Variants in DYNC2H1 observed in about 807,000 individuals in gnomAD.
DYNC2H1 encodes the protein cytoplasmic dynein 2 heavy chain 1.
A neutral mutation model predicts 570.0 loss-of-function variants in DYNC2H1; 410 were observed. That is an observed-to-expected ratio of 0.72 (90% CI 0.66 to 0.78). The LOEUF (loss-of-function observed/expected upper bound fraction) is 0.78. Among genes scored for constraint, DYNC2H1 ranks in the 30% least tolerant of loss-of-function variants. The pLI is 0.00. For synonymous variants in DYNC2H1, 1,688 were observed against 1,677.6 expected, an observed-to-expected ratio of 1.01 and a Z score of -0.15; for missense variants, 4,865 against 5,046.4, an observed-to-expected ratio of 0.96 and a Z score of 1.09.
chr11:103,360,772 G>C (rs7932151), intron 83 of DYNC2H1, among the ~76,000 whole-genome samples: 1 of 152,058 alleles, frequency 6.6e-6, no homozygotes, highest in East Asian at 1.9e-4. Context: ...CAGTTAGTTC[G>C]TAAGAGAGAT....
At chr11:103,474,877 A>C (rs11225823) in intron 88 of DYNC2H1, among the ~76,000 whole-genome samples, 73,830 of 151,900 alleles carry the variant, frequency 0.49, 19,647 homozygotes, top group Non-Finnish European at 0.61. Context: ...CTACTGAGTC[A>C]CCATTTTGCC....
intron 39 of DYNC2H1, among the ~76,000 whole-genome samples, chr11:103,179,544 T>G (rs2135002829): frequency 6.6e-6 from 1 of 151,980 alleles, no homozygotes; most frequent in East Asian, 1.9e-4. Context: ...AACATATTAA[T>G]TATGAGCTAA....
intron 59 of DYNC2H1, 81 bp downstream of exon 59, chr11:103,223,167 T>C (rs572185134): frequency 7.6e-6 from 10 of 1,313,934 alleles, no homozygotes; most frequent in Non-Finnish European, 9.9e-6. Flanking sequence ...TTATTTTTAT[T>C]TTTTCTCTAT....
At chr11:103,458,899 T>C (rs112555125) in intron 87 of DYNC2H1, among the ~76,000 whole-genome samples, 1 of 152,202 alleles carries the variant, frequency 6.6e-6, no homozygotes, top group African/African-American at 2.4e-5. Flanking sequence ...CTCAAACTTC[T>C]GGGCTCAAGC....
Position 103,268,193 on chromosome 11 carries a change from A to G in DYNC2H1, c.10695+8216A>G, listed in dbSNP as rs1865580334. On this transcript the variant is annotated intron_variant, in intron 70 of 88. Transcript: ENST00000375735. The surrounding 1 kb of genome is among the most constrained non-coding windows in gnomAD (Gnocchi z 4.6). ...TCTGAAAAGCTTTTTACCAGTTAAT[A>G]TCTCTACCCACATAATAATAAAGGT... Among the ~76,000 whole-genome samples the G allele has an allele frequency of 6.6e-6, 1 of 152,032 alleles. No individual in the cohort carries two copies. Among genetic ancestry groups the G allele is most frequent in the Admixed American group, 6.6e-5 (1 of 15,256 alleles).
At chr11:103,329,644 T>A (rs1032510270) in intron 82 of DYNC2H1, among the ~76,000 whole-genome samples, 1 of 152,206 alleles carries the variant, frequency 6.6e-6, no homozygotes, top group Admixed American at 6.5e-5. Context: ...CTGTACTCTC[T>A]TACAGGATTC....
At chr11:103,313,978 T>TA (rs1425731400) in intron 79 of DYNC2H1, among the ~76,000 whole-genome samples, 1 of 152,176 alleles carries the variant, frequency 6.6e-6, no homozygotes, top group Admixed American at 6.5e-5. Context: ...CCTCTGTCCT[T>TA]AGCCTAATAT....
intron 10 of DYNC2H1, 128 bp from the exon 11 acceptor site, chr11:103,122,697 C>T (rs118117890): frequency 0.034 from 27,094 of 788,662 alleles, 614 homozygotes; most frequent in Middle Eastern, 0.051. Flanking sequence ...GTGAATCTTC[C>T]GTTTCACTGT....
In DYNC2H1 at chr11:103,221,717, G is replaced by A. The variant is rs1591432368; in HGVS notation, c.9108-313G>A. ...CCAAAAATACAAAAATTAGCCTGGT[G>A]TAGTGGCACGCACCTGTGGTCCCAG... On this transcript the variant is annotated intron_variant, in intron 57 of 88. Transcript: ENST00000375735. 2.0e-5 allele frequency among the ~76,000 whole-genome samples: 3 copies of A among 152,204 alleles called. No homozygotes were observed. In the East Asian group the frequency reaches 5.8e-4, roughly 30 times the overall value.
At chr11:103,474,340 T>G (rs1343989781) in intron 88 of DYNC2H1, among the ~76,000 whole-genome samples, 1 of 152,202 alleles carries the variant, frequency 6.6e-6, no homozygotes, top group Non-Finnish European at 1.5e-5. Flanking sequence ...AAAAAAGAAC[T>G]GTTCATTGAC....
At chr11:103,124,738 C>G (rs1858902746) in intron 11 of DYNC2H1, among the ~76,000 whole-genome samples, 1 of 152,092 alleles carries the variant, frequency 6.6e-6, no homozygotes, top group African/African-American at 2.4e-5. Context: ...GAAGCAAGTA[C>G]ACTGATTTTT....
rs1474669435 is a variant in DYNC2H1 at position 103,254,529 on chromosome 11, G to GT, written c.10207-879dup. Among the ~76,000 whole-genome samples the GT allele has an allele frequency of 3.3e-5, 5 of 152,104 alleles. No individual in the cohort carries two copies. Among genetic ancestry groups the GT allele is most frequent in the African/African-American group, 1.2e-4 (5 of 41,416 alleles). ...CTGATTTAAAATGTATAATTCAATG[G>GT]TTTTTTTAGTGGAATTGCTGGGTCT... is the stretch of plus-strand genomic sequence containing the variant. On this transcript the variant is annotated intron_variant, in intron 66 of 88. Coordinates refer to ENST00000375735, the MANE Select transcript of DYNC2H1 (RefSeq NM_001377.3). The surrounding 1 kb of genome is among the most constrained non-coding windows in gnomAD (Gnocchi z 4.9).
chr11:103,333,252 G>T (rs1342159483), intron 82 of DYNC2H1, among the ~76,000 whole-genome samples: 1 of 152,036 alleles, frequency 6.6e-6, no homozygotes, highest in Non-Finnish European at 1.5e-5. Flanking sequence ...TTATTATGAG[G>T]TTTATGTGTT....
At chr11:103,257,881 C>T (rs1865126762) in intron 69 of DYNC2H1, 130 bp downstream of exon 69, 2 of 985,908 alleles carry the variant, frequency 2.0e-6, no homozygotes. Flanking sequence ...CCACATGTAA[C>T]ACTTTTAAGC....
rs548046275 is a variant in DYNC2H1 at position 103,181,134 on chromosome 11, G to A, written c.6348-623G>A. On this transcript the variant is annotated intron_variant, in intron 39 of 88. Coordinates refer to ENST00000375735, the MANE Select transcript of DYNC2H1 (RefSeq NM_001377.3). This position sits in a 1 kb window ranked among gnomAD's most constrained non-coding sequence, Gnocchi z 5.0. ...AATTGAATTTTACCCAGATAATTAT[G>A]TGCTTTGCTAAAGGAATTATAGTTT... 3.0e-4 allele frequency among the ~76,000 whole-genome samples: 46 copies of A among 151,574 alleles called. No homozygotes were observed. The highest frequency in any genetic ancestry group is 1.0e-3 in the African/African-American group (42 of 41,466).
At chr11:103,196,639 A>G (rs1477796716) in intron 47 of DYNC2H1, among the ~76,000 whole-genome samples, 2 of 152,118 alleles carry the variant, frequency 1.3e-5, no homozygotes, top group African/African-American at 4.8e-5. Context: ...AAAAGACTAG[A>G]AGGCTGAAAT....
Position 103,114,084 on chromosome 11 carries a change from C to A in DYNC2H1, c.367-19C>A. On this transcript the variant is annotated intron_variant, in intron 2 of 88. Transcript: ENST00000375735. ...AAAATTTTGATCAATCTTGGTTGCT[C>A]TTGTCTGTTTTTATTTAGGATCAGG... The A allele has an allele frequency of 6.2e-7, 1 of 1,605,356 alleles. No homozygotes were observed. The highest frequency in any genetic ancestry group is 1.1e-5 in the South Asian group (1 of 89,398).
intron 71 of DYNC2H1, among the ~76,000 whole-genome samples, chr11:103,281,369 T>G (rs1299734793): frequency 6.6e-6 from 1 of 152,066 alleles, no homozygotes; most frequent in Non-Finnish European, 1.5e-5. Flanking sequence ...TATATATTCC[T>G]TATTTTTCTC....
At position 103,256,808 on chromosome 11, in the gene DYNC2H1, C is replaced by T. The variant is rs142625723; in HGVS notation, c.10461+568C>T. Among the ~76,000 whole-genome samples the T allele has an allele frequency of 1.3e-3, 191 of 152,230 alleles. 1 individual carries two copies. The highest frequency in any genetic ancestry group is 4.3e-3 in the African/African-American group (179 of 41,550). ...CTTCACATCAGAGATAGCCTGATAG[C>T]GCTGTGCTGTCTTGCGTTACCTTAA... On this transcript the variant is annotated intron_variant, in intron 68 of 88. Transcript: ENST00000375735. This position sits in a 1 kb window ranked among gnomAD's most constrained non-coding sequence, Gnocchi z 4.0.
Sources: gnomAD v4.1 joint callset for allele counts (sites outside exome capture counted in the v4.1 genomes callset) on GRCh38, gnomAD v4.1.1 for gene constraint, Gnocchi (gnomAD v3.1) non-coding constraint, MANE v1.5 for transcripts, NCBI Gene and HGNC (gene_info 2026-07-23, HGNC 2026-07-21) for gene names.